GRM8: variants seen among roughly 807,000 people sequenced by gnomAD.
The protein encoded by GRM8 is metabotropic glutamate receptor 8.
Under a neutral mutation model 87.2 loss-of-function variants are expected in GRM8, and 47 were observed. The ratio of observed to expected loss-of-function variants is 0.54; its 90% confidence interval spans 0.43 to 0.69. GRM8 has a LOEUF of 0.69. Among genes scored for constraint, GRM8 ranks in the 30% least tolerant of loss-of-function variants. The pLI is 0.00. For synonymous variants in GRM8, 396 were observed against 404.5 expected (o/e 0.98, Z 0.25); for missense variants, 1,019 against 1,139.2 (o/e 0.89, Z 1.52).
chr7:126,758,536 G>A (rs376711499), intron 7 of GRM8, among the ~76,000 whole-genome samples: 2 of 152,004 alleles, frequency 1.3e-5, no homozygotes, highest in East Asian at 3.9e-4. Flanking sequence ...GACAAGAGGA[G>A]AGAAAAAGAA....
At chr7:126,976,179 C>T (rs985724100) in intron 3 of GRM8, among the ~76,000 whole-genome samples, 1 of 152,152 alleles carries the variant, frequency 6.6e-6, no homozygotes, top group African/African-American at 2.4e-5. Context: ...ACCTTAGATA[C>T]CTCTTCTGGT....
At chr7:127,043,509 A>G (rs1366387082) in intron 3 of GRM8, among the ~76,000 whole-genome samples, 4 of 152,184 alleles carry the variant, frequency 2.6e-5, no homozygotes, top group African/African-American at 4.8e-5. Context: ...GCAAACTATC[A>G]CAAGAACAAA....
At chr7:126,816,732 T>TTG (rs3038866) in intron 6 of GRM8, among the ~76,000 whole-genome samples, 11,445 of 145,838 alleles carry the variant, frequency 0.078, 460 homozygotes, top group Middle Eastern at 0.12. Context: ...GTATATGATT[T>TTG]TGTGTGTGTG....
intron 3 of GRM8, among the ~76,000 whole-genome samples, chr7:127,017,181 C>T (rs541619342): frequency 2.9e-4 from 44 of 152,168 alleles, no homozygotes; most frequent in African/African-American, 9.1e-4. Flanking sequence ...TTCATCAATA[C>T]TGCAGAAGTT....
At chr7:126,539,324 T>C (rs940254755) in intron 8 of GRM8, among the ~76,000 whole-genome samples, 5 of 152,066 alleles carry the variant, frequency 3.3e-5, no homozygotes, top group Admixed American at 6.5e-5. Context: ...CCTGTGTTTA[T>C]GAATCAGATG....
intron 6 of GRM8, among the ~76,000 whole-genome samples, chr7:126,840,712 A>G (rs1450596486): frequency 2.0e-5 from 3 of 152,224 alleles, no homozygotes; most frequent in Non-Finnish European, 4.4e-5. Context: ...TGAACTTTGT[A>G]TAAGTTTCTA....
intron 7 of GRM8, among the ~76,000 whole-genome samples, chr7:126,760,829 C>T (rs1817514790): frequency 6.6e-6 from 1 of 152,042 alleles, no homozygotes; most frequent in Non-Finnish European, 1.5e-5. Context: ...GGAAATTATG[C>T]ACCATAACTT....
At chr7:126,655,055 A>T (rs940376473) in intron 7 of GRM8, among the ~76,000 whole-genome samples, 4 of 152,206 alleles carry the variant, frequency 2.6e-5, no homozygotes, top group Non-Finnish European at 4.4e-5. Flanking sequence ...CCAGAAAAGT[A>T]AAAAAAGAAC....
chr7:126,694,048 T>C (rs1809106774), intron 7 of GRM8, among the ~76,000 whole-genome samples: 1 of 151,986 alleles, frequency 6.6e-6, no homozygotes, highest in Non-Finnish European at 1.5e-5. Context: ...GTTTCTCTTA[T>C]ATTTGAGGCA....
chr7:126,966,240 T>A (rs1420198146), intron 3 of GRM8, among the ~76,000 whole-genome samples: 4 of 152,048 alleles, frequency 2.6e-5, no homozygotes, highest in African/African-American at 9.7e-5. Flanking sequence ...GTTCAAGCCA[T>A]CCTCCCACCT....
chr7:126,822,716 C>T (rs1794411526), intron 6 of GRM8, among the ~76,000 whole-genome samples: 1 of 152,040 alleles, frequency 6.6e-6, no homozygotes, highest in Non-Finnish European at 1.5e-5. Context: ...ATTATAGACT[C>T]CTATCTCTTA....
At chr7:127,039,794 G>C (rs113097937) in intron 3 of GRM8, among the ~76,000 whole-genome samples, 13,621 of 73,376 alleles carry the variant, frequency 0.19, 2,033 homozygotes, top group African/African-American at 0.31. Flanking sequence ...GCAAGAGATG[G>C]GAGTGGGAAG....
At chr7:127,202,289 T>C (rs1178686730) in intron 2 of GRM8, among the ~76,000 whole-genome samples, 1 of 152,136 alleles carries the variant, frequency 6.6e-6, no homozygotes, top group Non-Finnish European at 1.5e-5. Context: ...GCAATTCTCA[T>C]GCCTCAACCT....
rs368119945 is a variant in GRM8, at chr7:126,822,869, T to G, written c.1157-52804A>C. Among the ~76,000 whole-genome samples the G allele has an allele frequency of 2.0e-5, 3 of 152,310 alleles. No individual in the cohort carries two copies. In the East Asian group the frequency reaches 5.8e-4, roughly 29 times the overall value. The stretch of plus-strand genomic sequence containing the variant: ...TACTTGCTATCCAGATGCAGACAAT[T>G]CCCACATCAATGCCTTCAACACATT... On this transcript the variant is annotated intron_variant, in intron 6 of 10. Transcript: ENST00000339582.
At chr7:127,229,683 G>A (rs1400443244) in intron 2 of GRM8, 1 of 152,150 alleles carries the variant, frequency 6.6e-6, no homozygotes, top group Non-Finnish European at 1.5e-5. Flanking sequence ...AATCATTTAT[G>A]CCATTTTCAA....
chr7:126,441,362 T>C (rs1272187337), intron 10 of GRM8, among the ~76,000 whole-genome samples: 5 of 152,098 alleles, frequency 3.3e-5, no homozygotes, highest in Non-Finnish European at 7.4e-5. Flanking sequence ...AAACTCATTA[T>C]TGTAAGGCCA....
In GRM8 at chr7:126,533,664, G is replaced by C; in HGVS notation, c.1718C>G (p.Pro573Arg). ...NMNRTGCQLIPIIKLEWHSPW... is the reference protein window; with the variant it reads ...NMNRTGCQLIRIIKLEWHSPW... ...AGAATGCCACTCCAATTTGATGATGGGGATAAGCTGGCAGCCTGTGCGGTT... is the reference window on the plus strand; with the variant it reads ...AGAATGCCACTCCAATTTGATGATGCGGATAAGCTGGCAGCCTGTGCGGTT... The change falls in exon 9 of 11, where the codon CCC becomes CGC. Residue 573 changes from proline to arginine, a missense_variant. Coordinates refer to ENST00000339582, the MANE Select transcript of GRM8 (RefSeq NM_000845.3). 1 of 1,614,020 alleles carries C rather than the reference G, an allele frequency of 6.2e-7. No homozygotes were observed. The highest frequency in any genetic ancestry group is 1.3e-5 in the African/African-American group (1 of 75,030).
chr7:126,803,924 G>A (rs748285417), intron 6 of GRM8, among the ~76,000 whole-genome samples: 1 of 152,300 alleles, frequency 6.6e-6, no homozygotes, highest in Non-Finnish European at 1.5e-5. Context: ...ATAGTAAATC[G>A]TCACTAATAC....
intron 6 of GRM8, among the ~76,000 whole-genome samples, chr7:126,794,229 A>G (rs549965637): frequency 1.3e-5 from 2 of 152,262 alleles, no homozygotes; most frequent in African/African-American, 4.8e-5. Context: ...ATCCTGATAT[A>G]CAATCTTGAA....
Sources: gnomAD v4.1 joint callset for allele counts (sites outside exome capture counted in the v4.1 genomes callset) on GRCh38, gnomAD v4.1.1 for gene constraint, MANE v1.5 for transcripts, NCBI Gene and HGNC (gene_info 2026-07-23, HGNC 2026-07-21) for gene names.